CDYL: variants seen among roughly 807,000 people sequenced by gnomAD.
The protein encoded by CDYL is chromodomain Y like.
A neutral mutation model predicts 47.3 loss-of-function variants in CDYL; 8 were observed. The observed-to-expected ratio is 0.17, with a 90% CI of 0.10 to 0.31. CDYL has a LOEUF of 0.31. CDYL is among the 10% of genes least tolerant of loss of function. The pLI, the probability that CDYL is intolerant of heterozygous loss-of-function variation, is 1.00. For synonymous variants in CDYL, 266 were observed against 265.0 expected (o/e 1.00, Z -0.04); for missense variants, 471 against 701.4 (o/e 0.67, Z 3.71).
At chr6:4,722,440 A>C (rs949684287) in intron 2 of CDYL, among the ~76,000 whole-genome samples, 1 of 152,244 alleles carries the variant, frequency 6.6e-6, no homozygotes, top group African/African-American at 2.4e-5. Flanking sequence ...TAATTAAATT[A>C]TGATTATAGA....
chr6:4,867,933 G>A (rs1475731428), intron 1 of CDYL, among the ~76,000 whole-genome samples: 1 of 151,824 alleles, frequency 6.6e-6, no homozygotes, highest in Non-Finnish European at 1.5e-5. Flanking sequence ...CTTCCTTTCT[G>A]CCAGGTGTAG....
intron 3 of CDYL, among the ~76,000 whole-genome samples, chr6:4,745,010 G>A (rs887531014): frequency 4.6e-5 from 7 of 152,140 alleles, no homozygotes; most frequent in Non-Finnish European, 4.4e-5. Context: ...CCAGGTTGGA[G>A]TGCAGTGGCA....
chr6:4,834,715 C>G (rs1760245405), intron 1 of CDYL, among the ~76,000 whole-genome samples: 1 of 152,234 alleles, frequency 6.6e-6, no homozygotes, highest in African/African-American at 2.4e-5. Flanking sequence ...GTACACCAGT[C>G]AGACGTAGAT....
At chr6:4,821,135 C>T (rs1169968956) in intron 1 of CDYL, among the ~76,000 whole-genome samples, 2 of 151,834 alleles carry the variant, frequency 1.3e-5, no homozygotes, top group East Asian at 3.9e-4. Context: ...GTTCTAGTGC[C>T]TTTATGGTCC....
chr6:4,904,890 T>C (rs1757181587), intron 2 of CDYL, among the ~76,000 whole-genome samples: 1 of 150,784 alleles, frequency 6.6e-6, no homozygotes, highest in South Asian at 2.1e-4. Flanking sequence ...CACCCCGACC[T>C]CCAGCTGAGA....
At chr6:4,822,741 T>C (rs1400770361) in intron 1 of CDYL, among the ~76,000 whole-genome samples, 6 of 152,180 alleles carry the variant, frequency 3.9e-5, no homozygotes, top group Admixed American at 3.3e-4. Context: ...TCAGTTCTCT[T>C]CATAATGTGC....
intron 1 of CDYL, among the ~76,000 whole-genome samples, chr6:4,809,575 G>T (rs181772721): frequency 6.8e-6 from 1 of 146,574 alleles, no homozygotes; most frequent in South Asian, 2.1e-4. Context: ...TATAGTAGGG[G>T]TATTATATTA....
At chr6:4,822,030 G>C (rs750840756) in intron 1 of CDYL, among the ~76,000 whole-genome samples, 1 of 152,076 alleles carries the variant, frequency 6.6e-6, no homozygotes, top group Admixed American at 6.5e-5. Context: ...GAGTGCAGTG[G>C]TGTCAATGGC....
intron 3 of CDYL, 25 bp downstream of exon 3, chr6:4,935,796 T>C: frequency 1.9e-6 from 3 of 1,611,314 alleles, no homozygotes; most frequent in Non-Finnish European, 2.5e-6. Flanking sequence ...TGGGCTGGCG[T>C]GGGCTTCGCG....
chr6:4,878,029 C>T (rs573028661), intron 1 of CDYL, among the ~76,000 whole-genome samples: 11 of 152,014 alleles, frequency 7.2e-5, no homozygotes, highest in Non-Finnish European at 1.2e-4. Flanking sequence ...TGAAATATGG[C>T]TTTTCTCTTC....
At chr6:4,767,441 C>T (rs1291775551) in intron 3 of CDYL, among the ~76,000 whole-genome samples, 3 of 152,010 alleles carry the variant, frequency 2.0e-5, no homozygotes, top group East Asian at 1.9e-4. Flanking sequence ...GGCGTGGTGG[C>T]GTGCGCCTAT....
chr6:4,763,859 C>T (rs1401115444), intron 3 of CDYL, among the ~76,000 whole-genome samples: 2 of 152,128 alleles, frequency 1.3e-5, no homozygotes, highest in African/African-American at 4.8e-5. Flanking sequence ...AGGAGAATCA[C>T]TTGAACCCGG....
At chr6:4,721,837 CTT>C (rs1388868682) in intron 2 of CDYL, among the ~76,000 whole-genome samples, 3 of 151,834 alleles carry the variant, frequency 2.0e-5, no homozygotes, top group Admixed American at 1.3e-4. Flanking sequence ...CAGACACAGA[CTT>C]TATCATAATT....
At chr6:4,854,527 G>C (rs1760948424) in intron 1 of CDYL, among the ~76,000 whole-genome samples, 1 of 152,176 alleles carries the variant, frequency 6.6e-6, no homozygotes, top group African/African-American at 2.4e-5. Flanking sequence ...TCTTTCAGTG[G>C]TGTCTAGAGA....
intron 1 of CDYL, among the ~76,000 whole-genome samples, chr6:4,852,514 A>AAC (rs1760873925): frequency 2.2e-5 from 1 of 44,934 alleles, no homozygotes; most frequent in Non-Finnish European, 3.8e-5. Flanking sequence ...CTTCCTTCCA[A>AAC]TCTTCCTTCC....
Position 4,892,931 on chromosome 6 carries a change from C to T in CDYL, c.691+552C>T, listed in dbSNP as rs117561006. ...CGTCAGAGCCCAGTCTGCCTGGCAC[C>T]GGTGGTGTCCTCTGTTTTACTCTCA... On this transcript the variant is annotated intron_variant, in intron 2 of 6. Transcript: ENST00000397588. 1.6e-4 allele frequency among the ~76,000 whole-genome samples: 24 copies of T among 152,280 alleles called. No homozygotes were observed. The East Asian group carries it at 3.9e-3, about 25-fold the overall frequency.
chr6:4,845,009 G>A (rs1455198207), intron 1 of CDYL, among the ~76,000 whole-genome samples: 1 of 151,960 alleles, frequency 6.6e-6, no homozygotes, highest in Non-Finnish European at 1.5e-5. Context: ...AAAAATAGAA[G>A]GGCCATGAAA....
At chr6:4,924,691 G>A (rs547456771) in intron 2 of CDYL, among the ~76,000 whole-genome samples, 1 of 152,026 alleles carries the variant, frequency 6.6e-6, no homozygotes, top group East Asian at 1.9e-4. Flanking sequence ...ATTTTTTCTC[G>A]AGTCAACCAA....
chr6:4,895,354 T>C (rs57377733), intron 2 of CDYL, among the ~76,000 whole-genome samples: 2 of 139,558 alleles, frequency 1.4e-5, no homozygotes, highest in African/African-American at 6.1e-5. Flanking sequence ...CATGTATGTA[T>C]ATATGTGCAT....
Sources: allele counts gnomAD v4.1 joint callset (sites outside exome capture counted in the v4.1 genomes callset), GRCh38; gene constraint gnomAD v4.1.1; transcripts MANE v1.5; gene names NCBI Gene and HGNC (gene_info 2026-07-23, HGNC 2026-07-21).